The following NMS variants were observed in gnomAD, a reference collection of about 807,000 sequenced individuals.
The protein encoded by NMS is neuromedin-S.
Under a neutral mutation model 32.2 loss-of-function variants are expected in NMS, and 30 were observed. That is an observed-to-expected ratio of 0.93 (90% confidence interval 0.70 to 1.26). The LOEUF is 1.26. Among genes scored for constraint, NMS ranks in the 50% most tolerant of loss-of-function variants. The probability of loss-of-function intolerance (pLI) is 0.00; values close to 1 mark genes in which losing one functional copy is unlikely to be tolerated. For missense variants in NMS, 190 were observed against 186.3 expected (o/e 1.02, Z -0.12); for synonymous variants, 76 against 58.5 (o/e 1.30, Z -1.37).
intron 3 of NMS, among the ~76,000 whole-genome samples, chr2:100,474,090 G>A (rs1251266137): frequency 2.6e-5 from 4 of 152,044 alleles, no homozygotes; most frequent in African/African-American, 4.8e-5. Context: ...GCTTGAACCC[G>A]GGAGGCGGAG....
intron 8 of NMS, among the ~76,000 whole-genome samples, chr2:100,481,932 T>C (rs1359682528): frequency 6.6e-6 from 1 of 152,168 alleles, no homozygotes; most frequent in Non-Finnish European, 1.5e-5. Context: ...TCCTAGAAAG[T>C]GCTTTGAGAA....
chr2:100,477,135 T>C, intron 3 of NMS, 109 bp from the exon 4 acceptor site: 4 of 838,914 alleles, frequency 4.8e-6, no homozygotes, highest in Non-Finnish European at 8.0e-6. Context: ...TTTATCATAA[T>C]AGTCAGGTAA....
chr2:100,472,477 G>C (rs1288232041), intron 1 of NMS, among the ~76,000 whole-genome samples: 1 of 152,170 alleles, frequency 6.6e-6, no homozygotes, highest in Non-Finnish European at 1.5e-5. Context: ...AAACTAAGTT[G>C]TTACCTTGGA....
At chr2:100,482,375 C>T (rs368628533) in intron 9 of NMS, 64 bp downstream of exon 9, 56 of 1,488,090 alleles carry the variant, frequency 3.8e-5, no homozygotes, top group Non-Finnish European at 5.2e-5. Flanking sequence ...ATGTGTCTGA[C>T]TGGAGAGAGT....
At chr2:100,480,574 T>C in intron 7 of NMS, 43 bp downstream of exon 7, 1 of 1,603,924 alleles carries the variant, frequency 6.2e-7, no homozygotes, top group Non-Finnish European at 8.5e-7. Flanking sequence ...AAGAAAGCCC[T>C]ACCCGAGAAG....
chr2:100,472,859 T>C lies in NMS; in HGVS notation c.132+9T>C, dbSNP rs770416828. 1.9e-6 allele frequency: 3 copies of C among 1,591,086 alleles called. No homozygotes were observed. In the East Asian group the frequency reaches 6.7e-5, roughly 36 times the overall value. ...ATATTGTGCAGCTTGAGGTACCCAA[T>C]TATTCAGTAATGTGAGATTTTTGTT... On this transcript the variant is annotated intron_variant, in intron 2 of 9. Coordinates refer to ENST00000376865, the MANE Select transcript of NMS (RefSeq NM_001011717.1).
Position 100,477,261 on chromosome 2 carries a change from C to T in NMS, c.201C>T (p.Tyr67=). The change falls in exon 4 of 10, where the codon TAC becomes TAT. Residue 67 remains tyrosine, a synonymous_variant. Coordinates refer to ENST00000376865, the MANE Select transcript of NMS (RefSeq NM_001011717.1). ...SRQPKDNQDI[Y]KRFLFHYSRT... ...CTTTCCAGGATAATCAAGACATATA[C>T]AAAAGGGTGAGTACCACCTAGCCCT... 1 of 1,613,532 alleles carries T rather than the reference C, an allele frequency of 6.2e-7. No individual in the cohort carries two copies. Among genetic ancestry groups the T allele is most frequent in the Non-Finnish European group, 8.5e-7 (1 of 1,179,494 alleles).
rs145813444 is a variant in NMS at position 100,477,300 on chromosome 2, C to A, written c.207+33C>A. 1.2e-4 allele frequency: 200 copies of A among 1,610,858 alleles called. No individual in the cohort carries two copies. The African/African-American group carries it at 2.3e-3, about 19-fold the overall frequency. On this transcript the variant is annotated intron_variant, in intron 4 of 9. Transcript: ENST00000376865. ...CCACCTAGCCCTGTACAAGTGCATG[C>A]AGCTTCCATGTTTAGAGCAAGTGAC...
rs139519598 is a variant in NMS at position 100,482,278 on chromosome 2, C to T, written c.416C>T (p.Pro139Leu). 7 of 1,613,128 alleles carry T rather than the reference C, an allele frequency of 4.3e-6. No individual in the cohort carries two copies. In the African/African-American group the frequency reaches 8.0e-5, roughly 18 times the overall value. Reference sequence around the variant, plus strand: ...ATAAGTTGCTCCTTTTTTTTTCAGCCCAGGAATGGAAGAAACATTGAAGAT... The same window carrying T: ...ATAAGTTGCTCCTTTTTTTTTCAGCTCAGGAATGGAAGAAACATTGAAGAT... ...TWGRPFFLFR[P>L]RNGRNIEDEA... The change falls in exon 9 of 10, where the codon CCC becomes CTC. Residue 139 changes from proline (P) to leucine (L), a missense_variant and splice_region_variant. Pro to Leu is a moderately conservative substitution (Grantham distance 98). Coordinates refer to ENST00000376865, the MANE Select transcript of NMS (RefSeq NM_001011717.1).
At position 100,482,113 on chromosome 2, in the gene NMS, G is replaced by A. The variant is rs145135112; in HGVS notation, c.415-164G>A. Among the ~76,000 whole-genome samples, 1,039 of 152,290 alleles carry A rather than the reference G, an allele frequency of 6.8e-3. 17 individuals carry two copies. Among genetic ancestry groups the A allele is most frequent in the African/African-American group, 0.024 (988 of 41,554 alleles). On this transcript the variant is annotated intron_variant, in intron 8 of 9. Coordinates refer to ENST00000376865, the MANE Select transcript of NMS (RefSeq NM_001011717.1). ...TGTCCCAGAGGACCTACGGACTAGC[G>A]CTAGCACAGGGCGAGGGCTTCCCAG...
At chr2:100,471,299 G>T (rs1158088672) in intron 1 of NMS, among the ~76,000 whole-genome samples, 2 of 152,166 alleles carry the variant, frequency 1.3e-5, no homozygotes, top group Non-Finnish European at 2.9e-5. Context: ...TGACTTAGGG[G>T]AGTAGAAAAT....
At chr2:100,477,986 G>A (rs939840694) in intron 5 of NMS, among the ~76,000 whole-genome samples, 14 of 152,224 alleles carry the variant, frequency 9.2e-5, no homozygotes, top group African/African-American at 3.1e-4. Flanking sequence ...TATTTGAGAA[G>A]AGTCTTGCTC....
chr2:100,470,975 G>C (rs1414037671), intron 1 of NMS, among the ~76,000 whole-genome samples: 1 of 152,236 alleles, frequency 6.6e-6, no homozygotes, highest in Non-Finnish European at 1.5e-5. Flanking sequence ...TGGGCAGTTC[G>C]AGAAGGGCGC....
intron 8 of NMS, 133 bp from the exon 9 acceptor site, chr2:100,482,144 T>G: frequency 1.2e-6 from 1 of 847,484 alleles, no homozygotes; most frequent in Non-Finnish European, 2.0e-6. Context: ...CCCAGGTGAG[T>G]CCCCATGGAG....
At chr2:100,473,420 AC>A in intron 2 of NMS, 68 bp from the exon 3 acceptor site, 1 of 795,492 alleles carries the variant, frequency 1.3e-6, no homozygotes, top group Non-Finnish European at 2.0e-6. Context: ...GTATTTGATT[AC>A]CCATTAATCA....
chr2:100,480,674 TG>T lies in NMS; in HGVS notation c.372+144del, dbSNP rs1033888335. 9.1e-6 allele frequency: 7 copies of T among 772,516 alleles called. No homozygotes were observed. The African/African-American group carries it at 1.2e-4, about 14-fold the overall frequency. 47.9% of individuals were successfully genotyped at this position (772,516 alleles called of 1,614,324 possible). A position where few individuals can be genotyped will look rare whatever the true frequency, so the allele number is the denominator to read the frequency against. On this transcript the variant is annotated intron_variant, in intron 7 of 9. Coordinates refer to ENST00000376865, the MANE Select transcript of NMS (RefSeq NM_001011717.1). ...TCTCCAAAGGACCCTGAGAATCTTT[TG>T]TGGCTGAGCAATTAAGTTCAGGTTT...
At chr2:100,476,913 ATAGT>A (rs1267641822) in intron 3 of NMS, among the ~76,000 whole-genome samples, 1 of 152,166 alleles carries the variant, frequency 6.6e-6, no homozygotes, top group African/African-American at 2.4e-5. Flanking sequence ...AAAAACTGTA[ATAGT>A]TAGTTTATTC....
At chr2:100,478,264 A>T (rs972583113) in intron 5 of NMS, among the ~76,000 whole-genome samples, 2 of 152,140 alleles carry the variant, frequency 1.3e-5, no homozygotes, top group Admixed American at 1.3e-4. Context: ...GCCCAGCCAG[A>T]ATATAACTTT....
intron 5 of NMS, among the ~76,000 whole-genome samples, chr2:100,478,485 G>T (rs1393802956): frequency 6.6e-6 from 1 of 151,592 alleles, no homozygotes; most frequent in Non-Finnish European, 1.5e-5. Flanking sequence ...TTTTTTTGAC[G>T]GAGTTTCACT....
Sources: allele counts gnomAD v4.1 joint callset (sites outside exome capture counted in the v4.1 genomes callset), GRCh38; gene constraint gnomAD v4.1.1; transcripts MANE v1.5; gene names NCBI Gene and HGNC (gene_info 2026-07-23, HGNC 2026-07-21).